The following PI4KB variants were observed in gnomAD, a reference collection of about 807,000 sequenced individuals.
PI4KB encodes PtdIns 4-kinase beta.
In PI4KB, 23 loss-of-function variants were observed where a neutral mutation model predicts 81.4. The observed-to-expected ratio is 0.28, with a 90% CI of 0.20 to 0.40. The LOEUF (loss-of-function observed/expected upper bound fraction) is 0.40, where lower values mean the gene tolerates loss of function less well. Ranked by LOEUF, PI4KB falls within the 10% of genes least tolerant of loss-of-function variation. The pLI is 1.00. For missense variants in PI4KB, 651 were observed against 1,036.6 expected, an observed-to-expected ratio of 0.63 and a Z score of 5.11; for synonymous variants, 381 against 406.8, an observed-to-expected ratio of 0.94 and a Z score of 0.76.
intron 1 of PI4KB, chr1:151,324,900 T>A (rs1285987368): frequency 7.1e-6 from 7 of 985,024 alleles, no homozygotes; most frequent in Non-Finnish European, 8.4e-6. Context: ...AGCATTCTCA[T>A]GGAGCGTGGA....
rs958001241 is a variant in PI4KB at position 151,315,870 on chromosome 1, C to G, written c.612G>C (p.Gln204His). ...IKPYIVHRCR[Q>H]SINFSLQCAL... ...CACACTGGAGGGAAAAGTTAATGCT[C>G]TGGCGGCAACGGTGGACTATGTAGG... The change falls in exon 2 of 12, where the codon CAG becomes CAC. Residue 204 changes from glutamine (Q) to histidine (H), a missense_variant. By Grantham distance (24) the Gln-to-His change is conservative. Coordinates refer to ENST00000368873, the MANE Select transcript of PI4KB (RefSeq NM_001369623.2). The G allele has an allele frequency of 6.2e-7, 1 of 1,614,102 alleles. No homozygotes were observed.
intron 8 of PI4KB, among the ~76,000 whole-genome samples, chr1:151,299,358 AG>A (rs1466148030): frequency 6.6e-6 from 1 of 152,086 alleles, no homozygotes; most frequent in Non-Finnish European, 1.5e-5. Context: ...CCTCTCAAGC[AG>A]GGAGAATGGG....
chr1:151,302,294 G>C lies in PI4KB; in HGVS notation c.1525C>G (p.Arg509Gly). Residue 509 changes from arginine to glycine, a missense_variant, in exon 7 of 12, where the codon CGC (arginine) becomes GGC (glycine). Transcript: ENST00000368873. ...VFIAAGDIRR[R>G]LSEQLAHTPT... ...GTATGAGCCAGCTGTTCCGAAAGGC[G>C]CCGGCTGGCAGGAAGAAAATACATC... The C allele has an allele frequency of 1.2e-6, 2 of 1,613,052 alleles. No homozygotes were observed. The highest frequency in any genetic ancestry group is 1.7e-6 in the Non-Finnish European group (2 of 1,179,034).
At chr1:151,317,302 G>T (rs1351874396) in intron 1 of PI4KB, among the ~76,000 whole-genome samples, 1 of 151,208 alleles carries the variant, frequency 6.6e-6, no homozygotes, top group Admixed American at 6.6e-5. Flanking sequence ...ACCATGCCTG[G>T]CTTATTTTTA....
At chr1:151,325,250 C>A (rs1649454389) in intron 1 of PI4KB, among the ~76,000 whole-genome samples, 1 of 152,020 alleles carries the variant, frequency 6.6e-6, no homozygotes, top group African/African-American at 2.4e-5. Context: ...GCCTCGGCCT[C>A]CCAAAATGCT....
At chr1:151,298,441 A>C in intron 9 of PI4KB, 1 of 217,620 alleles carries the variant, frequency 4.6e-6, no homozygotes. Flanking sequence ...GCCTCATGGT[A>C]CCACCTCCTA....
At chr1:151,299,802 G>A (rs1695108424) in intron 8 of PI4KB, among the ~76,000 whole-genome samples, 1 of 152,142 alleles carries the variant, frequency 6.6e-6, no homozygotes, top group Non-Finnish European at 1.5e-5. Flanking sequence ...GCTTGCAGGT[G>A]ACCAACCCAG....
chr1:151,313,660 C>T (rs587732849), intron 2 of PI4KB, among the ~76,000 whole-genome samples: 1 of 152,372 alleles, frequency 6.6e-6, no homozygotes, highest in African/African-American at 2.4e-5. Flanking sequence ...AACTTCTCTT[C>T]ATGACCCAGG....
intron 8 of PI4KB, chr1:151,301,098 A>AAAGT (rs1293720276): frequency 6.6e-6 from 1 of 152,342 alleles, no homozygotes; most frequent in East Asian, 1.9e-4. Context: ...TTCCCAGGGG[A>AAAGT]AAGTTGCACT....
At chr1:151,318,440 C>T (rs1459513689) in intron 1 of PI4KB, among the ~76,000 whole-genome samples, 45 of 146,852 alleles carry the variant, frequency 3.1e-4, no homozygotes, top group African/African-American at 7.3e-4. Flanking sequence ...AGGCCGGGCG[C>T]GGTGGCTCAC....
chr1:151,322,875 C>G (rs1026844971), intron 1 of PI4KB, among the ~76,000 whole-genome samples: 1 of 152,118 alleles, frequency 6.6e-6, no homozygotes. Context: ...TCAAGCTACC[C>G]TCCCGCCTAG....
chr1:151,321,498 C>T (rs1345301466), intron 1 of PI4KB, among the ~76,000 whole-genome samples: 3 of 151,966 alleles, frequency 2.0e-5, no homozygotes, highest in Non-Finnish European at 4.4e-5. Flanking sequence ...GATTCTCCTG[C>T]CTCAGCCTCC....
chr1:151,321,773 T>A (rs1039647314), intron 1 of PI4KB, among the ~76,000 whole-genome samples: 1 of 148,158 alleles, frequency 6.7e-6, no homozygotes, highest in Non-Finnish European at 1.5e-5. Flanking sequence ...CTTGGGAGGC[T>A]GAGGCAGGAG....
intron 9 of PI4KB, 29 bp from the exon 10 acceptor site, chr1:151,294,570 A>G (rs749146650): frequency 6.2e-7 from 1 of 1,612,964 alleles, no homozygotes; most frequent in South Asian, 1.1e-5. Flanking sequence ...GGAGAGGAAG[A>G]GGCAGTAGTC....
chr1:151,298,514 T>G, intron 9 of PI4KB: 1 of 424,412 alleles, frequency 2.4e-6, no homozygotes. Flanking sequence ...CTAGCTGGGA[T>G]GTACCTCCCC....
chr1:151,306,214 G>T lies in PI4KB; in HGVS notation c.1332C>A (p.Gly444=). ...ECGITHEQRA[G]SFSTVPNYDN... is the part of the protein sequence containing the mutation. ...CATAGTTGGGCACAGTGCTGAAGCT[G>T]CCAGCTCGCTGCTCATGGGTAATAC... The change falls in exon 5 of 12, where the codon GGC becomes GGA. Residue 444 remains glycine (G), a synonymous_variant. Coordinates refer to ENST00000368873, the MANE Select transcript of PI4KB (RefSeq NM_001369623.2). 1.2e-6 allele frequency: 2 copies of T among 1,614,158 alleles called. No individual in the cohort carries two copies. The highest frequency in any genetic ancestry group is 1.1e-5 in the South Asian group (1 of 91,078).
intron 1 of PI4KB, among the ~76,000 whole-genome samples, chr1:151,321,730 G>T (rs141756147): frequency 6.6e-6 from 1 of 151,530 alleles, no homozygotes; most frequent in Non-Finnish European, 1.5e-5. Context: ...AAAATTAGCC[G>T]GGCATGGTGG....
intron 2 of PI4KB, 115 bp from the exon 3 acceptor site, chr1:151,310,370 C>A: frequency 1.5e-6 from 1 of 678,446 alleles, no homozygotes; most frequent in Non-Finnish European, 2.6e-6. Flanking sequence ...TAGTGAAGTT[C>A]TACCTTTCTG....
intron 1 of PI4KB, among the ~76,000 whole-genome samples, chr1:151,323,066 G>A (rs927596382): frequency 6.6e-6 from 1 of 152,110 alleles, no homozygotes; most frequent in African/African-American, 2.4e-5. Flanking sequence ...AAAGTTAATG[G>A]AAAAGAAAGA....
Sources: gnomAD v4.1 joint callset for allele counts (sites outside exome capture counted in the v4.1 genomes callset) on GRCh38, gnomAD v4.1.1 for gene constraint, MANE v1.5 for transcripts, NCBI Gene and HGNC (gene_info 2026-07-23, HGNC 2026-07-21) for gene names.